Variants in MCUB observed in about 807,000 individuals in gnomAD.
The protein encoded by MCUB is mitochondrial calcium uniporter dominant negative subunit beta, also known as calcium uniporter regulatory subunit MCUb, mitochondrial.
Under a neutral mutation model 41.4 loss-of-function variants are expected in MCUB, and 46 were observed. That is an observed-to-expected ratio of 1.11 (90% CI 0.88 to 1.42). The LOEUF is 1.42. MCUB is among the 40% of genes most tolerant of loss of function. MCUB has a pLI of 0.00. For synonymous variants in MCUB, 148 were observed against 148.2 expected (o/e 1.00, Z 0.01); for missense variants, 403 against 404.9 (o/e 1.00, Z 0.04).
intron 1 of MCUB, among the ~76,000 whole-genome samples, chr4:109,658,276 A>C (rs1406261957): frequency 6.6e-6 from 1 of 151,928 alleles, no homozygotes; most frequent in East Asian, 1.9e-4. Flanking sequence ...AATTCAGTAC[A>C]TCTGGTCTGA....
intron 1 of MCUB, among the ~76,000 whole-genome samples, chr4:109,622,223 A>G (rs1728264233): frequency 6.6e-6 from 1 of 152,214 alleles, no homozygotes; most frequent in African/African-American, 2.4e-5. Context: ...TGAATTATAA[A>G]AGGACAACAT....
At chr4:109,612,263 CTTTT>C (rs56813205) in intron 1 of MCUB, among the ~76,000 whole-genome samples, 3 of 114,840 alleles carry the variant, frequency 2.6e-5, no homozygotes, top group Non-Finnish European at 5.1e-5. Context: ...TCCTCCTTTT[CTTTT>C]TTTTTTTTTT....
chr4:109,617,047 T>C (rs1728140938), intron 1 of MCUB, among the ~76,000 whole-genome samples: 1 of 141,470 alleles, frequency 7.1e-6, no homozygotes, highest in South Asian at 2.3e-4. Context: ...TCCTTCTTTG[T>C]CCTAACCATA....
chr4:109,605,097 T>C (rs1453843555), intron 1 of MCUB, among the ~76,000 whole-genome samples: 1 of 152,200 alleles, frequency 6.6e-6, no homozygotes, highest in African/African-American at 2.4e-5. Context: ...GGATTGATAT[T>C]AGTTCTTCTT....
chr4:109,685,868 TCA>T (rs1230728576), intron 7 of MCUB, among the ~76,000 whole-genome samples: 2 of 152,254 alleles, frequency 1.3e-5, no homozygotes, highest in East Asian at 1.9e-4. Context: ...AAGTACTTTT[TCA>T]CAGTCTGCTT....
intron 4 of MCUB, among the ~76,000 whole-genome samples, chr4:109,675,573 G>T (rs1400799594): frequency 6.6e-6 from 1 of 152,160 alleles, no homozygotes; most frequent in South Asian, 2.1e-4. Context: ...CTGGTGATAG[G>T]TCAATAAGCC....
chr4:109,664,268 A>G (rs754212260), intron 3 of MCUB, 22 bp from the exon 4 acceptor site: 3 of 1,108,098 alleles, frequency 2.7e-6, no homozygotes, highest in Non-Finnish European at 1.4e-6. Context: ...AGACATGCTC[A>G]TGCATGATGT....
intron 1 of MCUB, among the ~76,000 whole-genome samples, chr4:109,590,838 TA>T (rs970078981): frequency 2.1e-4 from 32 of 152,334 alleles, no homozygotes; most frequent in African/African-American, 7.0e-4. Flanking sequence ...TGTGACTACA[TA>T]AAGGCTATTC....
At position 109,652,184 on chromosome 4, in the gene MCUB, T is replaced by A. The variant is rs1025598011; in HGVS notation, c.100-6827T>A. On this transcript the variant is annotated intron_variant, in intron 1 of 7. Transcript: ENST00000394650. Reference sequence around the variant, plus strand: ...CGGATTAGGGCCTATACTAATGACCTCATTTTAACTTAACCTCTTTAAAGT... The same window carrying A: ...CGGATTAGGGCCTATACTAATGACCACATTTTAACTTAACCTCTTTAAAGT... Among the ~76,000 whole-genome samples the A allele has an allele frequency of 3.3e-5, 5 of 152,200 alleles. No homozygotes were observed. In the South Asian group the frequency reaches 8.3e-4, roughly 25 times the overall value.
At chr4:109,656,644 T>G (rs1729110377) in intron 1 of MCUB, among the ~76,000 whole-genome samples, 1 of 152,116 alleles carries the variant, frequency 6.6e-6, no homozygotes, top group African/African-American at 2.4e-5. Context: ...GTGCTGGGAT[T>G]ATAGGCAGGA....
chr4:109,590,829 G>C (rs748972106), intron 1 of MCUB, among the ~76,000 whole-genome samples: 15 of 152,124 alleles, frequency 9.9e-5, no homozygotes, highest in African/African-American at 1.4e-4. Flanking sequence ...TTATTTTGTT[G>C]TGACTACATA....
intron 1 of MCUB, among the ~76,000 whole-genome samples, chr4:109,579,834 A>G (rs1727126990): frequency 1.3e-5 from 2 of 152,334 alleles, no homozygotes; most frequent in South Asian, 4.1e-4. Context: ...TAGCAATTAT[A>G]TTAGAGAAGA....
chr4:109,656,254 T>A (rs1156517276), intron 1 of MCUB, among the ~76,000 whole-genome samples: 1 of 150,660 alleles, frequency 6.6e-6, no homozygotes, highest in Non-Finnish European at 1.5e-5. Flanking sequence ...TAGAAAAAAA[T>A]CTGGAAGGAT....
intron 1 of MCUB, among the ~76,000 whole-genome samples, chr4:109,627,764 T>G (rs1377865962): frequency 6.6e-6 from 1 of 151,916 alleles, no homozygotes; most frequent in Non-Finnish European, 1.5e-5. Flanking sequence ...AATACAAAAA[T>G]TAGCCAGGTG....
intron 1 of MCUB, among the ~76,000 whole-genome samples, chr4:109,575,967 T>C (rs1483293096): frequency 3.9e-5 from 6 of 152,224 alleles, no homozygotes; most frequent in African/African-American, 9.6e-5. Flanking sequence ...CTTCATTCAA[T>C]TGGCCACCTG....
intron 7 of MCUB, among the ~76,000 whole-genome samples, chr4:109,686,457 T>A (rs1427937228): frequency 6.6e-6 from 1 of 152,230 alleles, no homozygotes; most frequent in African/African-American, 2.4e-5. Context: ...TTAAAAAATG[T>A]ATTTTATTTC....
In MCUB at chr4:109,687,831, A is replaced by G. The variant is rs1373947007; in HGVS notation, c.*239A>G. 8 of 471,850 alleles carry G rather than the reference A, an allele frequency of 1.7e-5. No homozygotes were observed. Among genetic ancestry groups the G allele is most frequent in the Non-Finnish European group, 2.6e-5 (7 of 268,344 alleles). The allele number at this position is 471,850 out of a possible 1,614,324, so 29.2% of individuals were successfully genotyped here. A position where few individuals can be genotyped will look rare whatever the true frequency, so the allele number is the denominator to read the frequency against. On this transcript the variant is annotated 3_prime_UTR_variant, in exon 8 of 8. Coordinates refer to ENST00000394650, the MANE Select transcript of MCUB (RefSeq NM_017918.5). The stretch of plus-strand genomic sequence containing the variant: ...GCAACGGTGGCTGCTGTTAGCTAAA[A>G]ATCCTTGTCAGCTTGTCCCACGTTT...
At chr4:109,638,865 C>G (rs1337309195) in intron 1 of MCUB, among the ~76,000 whole-genome samples, 1 of 152,156 alleles carries the variant, frequency 6.6e-6, no homozygotes, top group African/African-American at 2.4e-5. Context: ...GAAGCAACCC[C>G]TCATCTGTGA....
intron 1 of MCUB, among the ~76,000 whole-genome samples, chr4:109,653,147 C>G (rs373333512): frequency 3.9e-5 from 6 of 152,070 alleles, no homozygotes; most frequent in Non-Finnish European, 8.8e-5. Context: ...GAGGCTGAGG[C>G]GGGCGGATCG....
Sources: gnomAD v4.1 joint callset for allele counts (sites outside exome capture counted in the v4.1 genomes callset) on GRCh38, gnomAD v4.1.1 for gene constraint, MANE v1.5 for transcripts, NCBI Gene and HGNC (gene_info 2026-07-23, HGNC 2026-07-21) for gene names.